ELK3: variants seen among roughly 807,000 people sequenced by gnomAD.
ELK3 encodes the protein ETS domain-containing protein Elk-3.
ELK3 carries 10 observed loss-of-function variants against 28.9 expected under a neutral mutation model. The observed-to-expected ratio is 0.35, with a 90% CI of 0.21 to 0.59. The LOEUF (loss-of-function observed/expected upper bound fraction) is 0.59. Ranked by LOEUF, ELK3 falls within the 20% of genes least tolerant of loss-of-function variation. ELK3 has a pLI of 0.82. For synonymous variants in ELK3, 272 were observed against 243.5 expected (o/e 1.12, Z -1.09); for missense variants, 463 against 517.3 (o/e 0.90, Z 1.02).
chr12:96,220,732 A>T (rs1951656207), intron 1 of ELK3, among the ~76,000 whole-genome samples: 1 of 152,178 alleles, frequency 6.6e-6, no homozygotes, highest in South Asian at 2.1e-4. Context: ...GCATAAAGAT[A>T]ACAGCACCCC....
chr12:96,206,058 C>T (rs965039367), intron 1 of ELK3, among the ~76,000 whole-genome samples: 4 of 152,162 alleles, frequency 2.6e-5, no homozygotes, highest in African/African-American at 7.2e-5. Flanking sequence ...TTGGGGGTCA[C>T]GGCTCTCAAA....
intron 1 of ELK3, among the ~76,000 whole-genome samples, chr12:96,213,302 T>C (rs1313176082): frequency 6.6e-6 from 1 of 152,186 alleles, no homozygotes; most frequent in Non-Finnish European, 1.5e-5. Context: ...CCTCTTCTTC[T>C]CTAAGCCCAG....
At chr12:96,206,150 G>T (rs1163950570) in intron 1 of ELK3, among the ~76,000 whole-genome samples, 1 of 151,998 alleles carries the variant, frequency 6.6e-6, no homozygotes, top group Non-Finnish European at 1.5e-5. Context: ...CACATCCTTT[G>T]TGTGTTTTTT....
chr12:96,199,977 T>C (rs1399944444), intron 1 of ELK3, among the ~76,000 whole-genome samples: 1 of 152,160 alleles, frequency 6.6e-6, no homozygotes, highest in Non-Finnish European at 1.5e-5. Context: ...AAAGTTTCTA[T>C]AGCTAAGAAC....
chr12:96,241,475 CTG>C (rs971419600), intron 2 of ELK3, among the ~76,000 whole-genome samples: 2 of 151,412 alleles, frequency 1.3e-5, no homozygotes, highest in African/African-American at 4.9e-5. Flanking sequence ...TGTAAACACA[CTG>C]TGGACAGCCA....
In ELK3 at chr12:96,267,519, T is replaced by G. The variant is rs182250610; in HGVS notation, c.*339T>G. On this transcript the variant is annotated 3_prime_UTR_variant, in exon 5 of 5. Coordinates refer to ENST00000228741, the MANE Select transcript of ELK3 (RefSeq NM_005230.4). ...TGTGAAGCTTTTTTCTCTTTAGTTCTGAGTATGCTAAACTGTGTGCTTATA... is the reference window on the plus strand; with the variant it reads ...TGTGAAGCTTTTTTCTCTTTAGTTCGGAGTATGCTAAACTGTGTGCTTATA... 3 of 205,900 alleles carry G rather than the reference T, an allele frequency of 1.5e-5. No individual in the cohort carries two copies. Among genetic ancestry groups the G allele is most frequent in the East Asian group, 2.7e-4 (2 of 7,410 alleles). 12.8% of individuals were successfully genotyped at this position (205,900 alleles called of 1,614,324 possible). A position where few individuals can be genotyped will look rare whatever the true frequency, so the allele number is the denominator to read the frequency against.
chr12:96,231,580 C>T (rs1951742080), intron 2 of ELK3, among the ~76,000 whole-genome samples: 1 of 152,192 alleles, frequency 6.6e-6, no homozygotes, highest in Non-Finnish European at 1.5e-5. Context: ...GCAACCTCTG[C>T]CTCCCAGGTT....
intron 2 of ELK3, among the ~76,000 whole-genome samples, chr12:96,246,726 A>T (rs1490406874): frequency 1.3e-5 from 2 of 152,212 alleles, no homozygotes; most frequent in African/African-American, 4.8e-5. Context: ...GTGGCACTTA[A>T]TTTGCCAAAG....
chr12:96,259,606 T>C lies in ELK3; in HGVS notation c.1003-125T>C, dbSNP rs184366826. On this transcript the variant is annotated intron_variant, in intron 3 of 4. Coordinates refer to ENST00000228741, the MANE Select transcript of ELK3 (RefSeq NM_005230.4). ...CCCTCAGAATTAACGTTGCCAGTTT[T>C]CCTGAGATGGTAAGGTCGTTTCCTG... The C allele has an allele frequency of 5.7e-5, 63 of 1,098,362 alleles. No homozygotes were observed. In the East Asian group the frequency reaches 1.5e-3, roughly 26 times the overall value. The allele number at this position is 1,098,362 out of a possible 1,614,324, so 68.0% of individuals were successfully genotyped here.
At chr12:96,257,876 G>A (rs1016669997) in intron 3 of ELK3, among the ~76,000 whole-genome samples, 7 of 152,196 alleles carry the variant, frequency 4.6e-5, no homozygotes, top group Admixed American at 3.9e-4. Context: ...AGTACGTTTA[G>A]TAAGTATGTC....
rs1211061253 is a variant in ELK3 at position 96,233,980 on chromosome 12, G to A, written c.207+10207G>A. On this transcript the variant is annotated intron_variant, in intron 2 of 4. Transcript: ENST00000228741. ...TGGCAATGGGCTATTGCCTGGGGGC[G>A]CAGGGGATGACCAGGGCCTCTCTCA... 3.9e-5 allele frequency among the ~76,000 whole-genome samples: 6 copies of A among 152,342 alleles called. No individual in the cohort carries two copies. In the East Asian group the frequency reaches 5.8e-4, roughly 15 times the overall value.
At chr12:96,234,079 G>A (rs1951762499) in intron 2 of ELK3, among the ~76,000 whole-genome samples, 1 of 152,194 alleles carries the variant, frequency 6.6e-6, no homozygotes, top group Non-Finnish European at 1.5e-5. Flanking sequence ...TTCCAATCTG[G>A]TCACATTGTG....
chr12:96,242,072 T>A (rs1463223929), intron 2 of ELK3, among the ~76,000 whole-genome samples: 1 of 152,246 alleles, frequency 6.6e-6, no homozygotes, highest in Non-Finnish European at 1.5e-5. Flanking sequence ...CAGACCAGCA[T>A]CGCTCAGGTT....
intron 1 of ELK3, among the ~76,000 whole-genome samples, chr12:96,203,711 C>CG (rs1951521234): frequency 6.6e-6 from 1 of 152,148 alleles, no homozygotes; most frequent in South Asian, 2.1e-4. Flanking sequence ...GAGGCCGAGG[C>CG]GGGCAGATCA....
chr12:96,215,996 A>G (rs991378159), intron 1 of ELK3, among the ~76,000 whole-genome samples: 2 of 152,174 alleles, frequency 1.3e-5, no homozygotes, highest in African/African-American at 4.8e-5. Context: ...ATAAGGGCAG[A>G]AAATAATCAC....
chr12:96,259,804 T>C lies in ELK3; in HGVS notation c.1076T>C (p.Val359Ala). 2 of 1,610,318 alleles carry C rather than the reference T, an allele frequency of 1.2e-6. No individual in the cohort carries two copies. Among genetic ancestry groups the C allele is most frequent in the Non-Finnish European group, 1.7e-6 (2 of 1,178,904 alleles). The change falls in exon 4 of 5, where the codon GTT becomes GCT. Residue 359 changes from valine (V) to alanine (A), a missense_variant. By Grantham distance (64) the Val-to-Ala change is moderately conservative (BLOSUM62 0). Transcript: ENST00000228741. ...CATTTCTGGAGCAGCCTTAGTCCAG[T>C]TGCTCCGCTGAGTCCTGCCAGGCTG... ...SIHFWSSLSP[V>A]APLSPARLQG...
chr12:96,211,121 C>T (rs185867608), intron 1 of ELK3, among the ~76,000 whole-genome samples: 2 of 152,282 alleles, frequency 1.3e-5, no homozygotes, highest in East Asian at 3.9e-4. Context: ...TAAATTTAGA[C>T]AGCATGTATA....
chr12:96,200,685 C>T (rs936823806), intron 1 of ELK3, among the ~76,000 whole-genome samples: 3 of 151,958 alleles, frequency 2.0e-5, no homozygotes, highest in African/African-American at 4.8e-5. Flanking sequence ...CTTTTTGAGA[C>T]AGTGTCTGGC....
At position 96,267,161 on chromosome 12, in the gene ELK3, C is replaced by T; in HGVS notation, c.1205C>T (p.Ser402Leu). The T allele has an allele frequency of 6.2e-7, 1 of 1,612,682 alleles. No individual in the cohort carries two copies. Among genetic ancestry groups the T allele is most frequent in the South Asian group, 1.1e-5 (1 of 90,754 alleles). The stretch of plus-strand genomic sequence containing the variant: ...GCTGCTTCTCCAGTACTGCTTTCTT[C>T]AAACTCTCAGAAATCCTGATGACGT... Reference protein sequence around the residue: ...DRAASPVLLSSNSQKS With the variant: ...DRAASPVLLSLNSQKS Residue 402 changes from serine (S) to leucine (L), a missense_variant, in exon 5 of 5, where the codon TCA (serine) becomes TTA (leucine). Physicochemically the swap from Ser to Leu is moderately radical, Grantham distance 145 (BLOSUM62 -2). This residue lies in a region of ELK3 where 408 missense variants were observed against 414.8 expected (regional missense o/e 0.98). Transcript: ENST00000228741.
Sources: gnomAD v4.1 joint callset for allele counts (sites outside exome capture counted in the v4.1 genomes callset) on GRCh38, gnomAD v4.1.1 for gene constraint, gnomAD v4.1.1 regional missense constraint, MANE v1.5 for transcripts, NCBI Gene and HGNC (gene_info 2026-07-23, HGNC 2026-07-21) for gene names.